The following UNC5D variants were observed in gnomAD, a reference collection of about 807,000 sequenced individuals.
UNC5D encodes the protein unc-5 netrin receptor D.
Under a neutral mutation model 105.4 loss-of-function variants are expected in UNC5D, and 39 were observed. That is an observed-to-expected ratio of 0.37 (90% confidence interval 0.29 to 0.48). UNC5D has a LOEUF of 0.48. UNC5D is among the 20% of genes least tolerant of loss of function. The probability of loss-of-function intolerance (pLI) is 0.98; values close to 1 mark genes in which losing one functional copy is unlikely to be tolerated. For missense variants in UNC5D, 991 were observed against 1,202.4 expected, an observed-to-expected ratio of 0.82 and a Z score of 2.60; for synonymous variants, 452 against 450.4, an observed-to-expected ratio of 1.00 and a Z score of -0.04.
intron 2 of UNC5D, among the ~76,000 whole-genome samples, chr8:35,555,948 C>T (rs1816521501): frequency 6.8e-6 from 1 of 146,232 alleles, no homozygotes; most frequent in Non-Finnish European, 1.5e-5. Context: ...TGAGGTTAGC[C>T]TAATGGTTAA....
chr8:35,519,798 G>C (rs1813339112), intron 1 of UNC5D, among the ~76,000 whole-genome samples: 1 of 151,852 alleles, frequency 6.6e-6, no homozygotes, highest in Admixed American at 6.6e-5. Flanking sequence ...AATATGAATG[G>C]CTAAGAAACA....
chr8:35,295,041 A>C (rs1384665876), intron 1 of UNC5D, among the ~76,000 whole-genome samples: 1 of 152,188 alleles, frequency 6.6e-6, no homozygotes, highest in Non-Finnish European at 1.5e-5. Flanking sequence ...TTTTAAGTGT[A>C]TGCTTGCAAC....
intron 3 of UNC5D, among the ~76,000 whole-genome samples, chr8:35,582,308 T>C (rs1161668277): frequency 6.6e-6 from 1 of 152,214 alleles, no homozygotes; most frequent in Non-Finnish European, 1.5e-5. Flanking sequence ...GAAAGCATCT[T>C]CCTGATGCAG....
intron 3 of UNC5D, among the ~76,000 whole-genome samples, chr8:35,575,682 C>T (rs1818042547): frequency 6.6e-6 from 1 of 152,098 alleles, no homozygotes; most frequent in South Asian, 2.1e-4. Context: ...ATAAATCATA[C>T]AAAAGCTTGA....
intron 1 of UNC5D, among the ~76,000 whole-genome samples, chr8:35,380,913 T>C (rs1038646270): frequency 2.0e-5 from 3 of 152,156 alleles, no homozygotes; most frequent in African/African-American, 7.2e-5. Flanking sequence ...GGATCATGCT[T>C]GCCAACCTCT....
chr8:35,751,477 T>A (rs1209728576), intron 13 of UNC5D, among the ~76,000 whole-genome samples: 1 of 152,226 alleles, frequency 6.6e-6, no homozygotes, highest in African/African-American at 2.4e-5. Context: ...GCTGTTATTG[T>A]CTTTGTTTCA....
At chr8:35,256,626 A>T (rs1357537575) in intron 1 of UNC5D, 1 of 152,032 alleles carries the variant, frequency 6.6e-6, no homozygotes, top group Non-Finnish European at 1.5e-5. Flanking sequence ...AGAAACTAAA[A>T]CTCAGGTATA....
chr8:35,269,348 A>G (rs181065464), intron 1 of UNC5D, among the ~76,000 whole-genome samples: 3 of 151,476 alleles, frequency 2.0e-5, no homozygotes, highest in Non-Finnish European at 2.9e-5. Context: ...TGGGGTGTGC[A>G]CTCTCCTCTT....
At chr8:35,261,668 T>C (rs896997909) in intron 1 of UNC5D, among the ~76,000 whole-genome samples, 1 of 152,048 alleles carries the variant, frequency 6.6e-6, no homozygotes, top group Non-Finnish European at 1.5e-5. Context: ...TCACGGAGGC[T>C]CATTACCGAT....
chr8:35,686,410 T>C, intron 6 of UNC5D, 135 bp from the exon 7 acceptor site: 1 of 932,302 alleles, frequency 1.1e-6, no homozygotes, highest in East Asian at 3.2e-5. Flanking sequence ...AGAAGATAAG[T>C]GGATATGTTC....
At chr8:35,266,132 T>C (rs368907497) in intron 1 of UNC5D, among the ~76,000 whole-genome samples, 4 of 152,166 alleles carry the variant, frequency 2.6e-5, no homozygotes, top group African/African-American at 7.2e-5. Context: ...ATCTTTAAAA[T>C]CATCTTTCAA....
intron 1 of UNC5D, among the ~76,000 whole-genome samples, chr8:35,310,588 C>A (rs1003112034): frequency 6.6e-6 from 1 of 151,922 alleles, no homozygotes; most frequent in African/African-American, 2.4e-5. Context: ...CCACTGCACT[C>A]CAGCCTGGGT....
chr8:35,262,278 T>C (rs1211563345), intron 1 of UNC5D, among the ~76,000 whole-genome samples: 1 of 152,226 alleles, frequency 6.6e-6, no homozygotes, highest in Non-Finnish European at 1.5e-5. Flanking sequence ...TTTCTCCCTC[T>C]GTTTCCAGTT....
At chr8:35,682,365 G>A (rs1190347849) in intron 4 of UNC5D, among the ~76,000 whole-genome samples, 3 of 152,212 alleles carry the variant, frequency 2.0e-5, no homozygotes, top group Non-Finnish European at 2.9e-5. Context: ...TGTGCTTGTG[G>A]TGAGCAGAGT....
chr8:35,446,741 C>A (rs771938954), intron 1 of UNC5D, among the ~76,000 whole-genome samples: 2 of 152,018 alleles, frequency 1.3e-5, no homozygotes, highest in East Asian at 3.9e-4. Flanking sequence ...AGATCTTTCA[C>A]CTCATAGAGA....
intron 8 of UNC5D, among the ~76,000 whole-genome samples, chr8:35,714,849 A>C (rs185739740): frequency 9.1e-4 from 138 of 152,334 alleles, no homozygotes; most frequent in Middle Eastern, 3.4e-3. Context: ...TGGGCTAGGC[A>C]AATGAAAAAG....
intron 1 of UNC5D, among the ~76,000 whole-genome samples, chr8:35,425,279 A>G (rs549686017): frequency 6.6e-6 from 1 of 152,310 alleles, no homozygotes; most frequent in African/African-American, 2.4e-5. Context: ...GCCTCACCAA[A>G]ATGCATGTTA....
intron 1 of UNC5D, among the ~76,000 whole-genome samples, chr8:35,475,551 A>G (rs551532305): frequency 2.6e-5 from 4 of 152,172 alleles, no homozygotes; most frequent in African/African-American, 4.8e-5. Context: ...AAGGAACCCA[A>G]CTATAGCTGT....
chr8:35,323,197 T>C (rs1280240501), intron 1 of UNC5D, among the ~76,000 whole-genome samples: 1 of 149,460 alleles, frequency 6.7e-6, no homozygotes, highest in Admixed American at 6.7e-5. Flanking sequence ...TCTTTTTTTT[T>C]TTTTTTTTTT....
Sources: allele counts gnomAD v4.1 joint callset (sites outside exome capture counted in the v4.1 genomes callset), GRCh38; gene constraint gnomAD v4.1.1; transcripts MANE v1.5; gene names NCBI Gene and HGNC (gene_info 2026-07-23, HGNC 2026-07-21).